Variants in PLCZ1 observed in about 807,000 individuals in gnomAD.
PLCZ1 encodes the protein 1-phosphatidylinositol 4,5-bisphosphate phosphodiesterase zeta-1.
PLCZ1 carries 64 observed loss-of-function variants against 76.8 expected under a neutral mutation model. The observed-to-expected ratio is 0.83, with a 90% CI of 0.68 to 1.03. The LOEUF (loss-of-function observed/expected upper bound fraction) is 1.03, where lower values mean the gene tolerates loss of function less well. Among genes scored for constraint, PLCZ1 ranks in the 50% least tolerant of loss-of-function variants. The pLI is 0.00. For synonymous variants in PLCZ1, 248 were observed against 230.8 expected, an observed-to-expected ratio of 1.07 and a Z score of -0.68; for missense variants, 751 against 713.7, an observed-to-expected ratio of 1.05 and a Z score of -0.60.
intron 6 of PLCZ1, 149 bp from the exon 7 acceptor site, chr12:18,705,464 G>T: frequency 1.1e-6 from 1 of 933,468 alleles, no homozygotes; most frequent in South Asian, 1.6e-5. Context: ...AAGTACTTTT[G>T]AGTTTGGCAA....
At chr12:18,705,448 A>C (rs192776449) in intron 6 of PLCZ1, 133 bp from the exon 7 acceptor site, 1 of 1,079,554 alleles carries the variant, frequency 9.3e-7, no homozygotes, top group East Asian at 2.5e-5. Flanking sequence ...CTATTCTTTA[A>C]ACTGAAAGTA....
Position 18,683,437 on chromosome 12 carries a change from T to A in PLCZ1, c.1742-113A>T, listed in dbSNP as rs146016426. On this transcript the variant is annotated intron_variant, in intron 14 of 14. Coordinates refer to ENST00000266505, the MANE Select transcript of PLCZ1 (RefSeq NM_033123.4). Reference sequence around the variant, plus strand: ...CTAAGCCTACATTAAAAACCATGACTATAGAGTTATATTCCCATCTGGTAT... The same window carrying A: ...CTAAGCCTACATTAAAAACCATGACAATAGAGTTATATTCCCATCTGGTAT... The A allele has an allele frequency of 2.5e-4, 352 of 1,432,468 alleles. 2 individuals carry two copies. The African/African-American group carries it at 4.2e-3, about 17-fold the overall frequency. 88.7% of individuals were successfully genotyped at this position (1,432,468 alleles called of 1,614,324 possible).
the PLCZ1 span, among the ~76,000 whole-genome samples, chr12:18,659,010 T>C: frequency 6.6e-6 from 1 of 152,224 alleles, no homozygotes; most frequent in African/African-American, 2.4e-5. Flanking sequence ...ACTCAGTGCT[T>C]TTTGGAGCAT....
chr12:18,647,966 C>G, the PLCZ1 span: 1 of 1,602,006 alleles, frequency 6.2e-7, no homozygotes, highest in Middle Eastern at 1.7e-4. Flanking sequence ...AATTAACATC[C>G]GACTCTGTAG....
At chr12:18,689,988 C>A (rs778327785) in intron 12 of PLCZ1, among the ~76,000 whole-genome samples, 27 of 152,144 alleles carry the variant, frequency 1.8e-4, no homozygotes, top group Non-Finnish European at 1.9e-4. Context: ...CTCTCCATGC[C>A]AGTTACACCT....
chr12:18,684,217 T>C lies in PLCZ1; in HGVS notation c.1654A>G (p.Ile552Val), dbSNP rs760846175. Residue 552 changes from isoleucine (I) to valine (V), a missense_variant, in exon 14 of 15, where the codon ATA becomes GTA. By Grantham distance (29) the Ile-to-Val change is conservative. Transcript: ENST00000266505. The stretch of plus-strand genomic sequence containing the variant: ...CCTTGACCTTCAACAACAAAACGTA[T>C]CAATGCCAATTCTGGGACATGAATA... ...FIIHVPELAL[I>V]RFVVEGQGLI... 3 of 1,611,750 alleles carry C rather than the reference T, an allele frequency of 1.9e-6. No homozygotes were observed. Among genetic ancestry groups the C allele is most frequent in the East Asian group, 4.5e-5 (2 of 44,764 alleles).
chr12:18,649,069 A>G, the PLCZ1 span, among the ~76,000 whole-genome samples: 2 of 152,114 alleles, frequency 1.3e-5, no homozygotes, highest in African/African-American at 4.8e-5. Flanking sequence ...ATACGTGATC[A>G]TGCAAGTCAA....
At chr12:18,733,589 A>G (rs574082470) in intron 3 of PLCZ1, among the ~76,000 whole-genome samples, 13 of 152,222 alleles carry the variant, frequency 8.5e-5, no homozygotes, top group South Asian at 4.1e-4. Context: ...TATGAGTTTC[A>G]TAGTTTCAGG....
downstream of PLCZ1, among the ~76,000 whole-genome samples, chr12:18,681,052 T>G (rs981244005): frequency 6.6e-6 from 1 of 152,064 alleles, no homozygotes; most frequent in Admixed American, 6.6e-5. Flanking sequence ...GATTCCGGAA[T>G]GTTCTTGTCT....
At position 18,699,807 on chromosome 12, in the gene PLCZ1, A is replaced by C; in HGVS notation, c.1161T>G (p.Leu387=). The change falls in exon 10 of 15, where the codon CTT becomes CTG. Residue 387 remains leucine (L), a synonymous_variant. Coordinates refer to ENST00000266505, the MANE Select transcript of PLCZ1 (RefSeq NM_033123.4). ...NSIGETQARK[L]SKLRVHEFIF... is the part of the protein sequence containing the mutation. ...ACAAAAATTTACCTCGCAATTTTGA[A>C]AGTTTTCGGGCTTGTGTCTCCCCAA... The C allele has an allele frequency of 6.2e-7, 1 of 1,613,478 alleles. No individual in the cohort carries two copies. The highest frequency in any genetic ancestry group is 8.5e-7 in the Non-Finnish European group (1 of 1,179,646).
At chr12:18,650,400 CA>C in the PLCZ1 span, among the ~76,000 whole-genome samples, 44 of 124,494 alleles carry the variant, frequency 3.5e-4, no homozygotes, top group East Asian at 2.0e-3. Flanking sequence ...TATACACACA[CA>C]TTTTTTTTTT....
chr12:18,654,166 T>C, the PLCZ1 span, among the ~76,000 whole-genome samples: 1 of 151,942 alleles, frequency 6.6e-6, no homozygotes, highest in Non-Finnish European at 1.5e-5. Context: ...AATGAAATGC[T>C]AGTAGCTGGA....
downstream of PLCZ1, among the ~76,000 whole-genome samples, chr12:18,678,935 T>C (rs954602669): frequency 6.6e-6 from 1 of 152,088 alleles, no homozygotes; most frequent in Non-Finnish European, 1.5e-5. Context: ...TCACAGTGAT[T>C]GTCCCACTTT....
chr12:18,677,936 G>T, the PLCZ1 span, among the ~76,000 whole-genome samples: 10 of 152,208 alleles, frequency 6.6e-5, no homozygotes, highest in Non-Finnish European at 1.3e-4. Flanking sequence ...TATGTGGTGT[G>T]TTTGTGTGTG....
At chr12:18,674,460 A>G in the PLCZ1 span, among the ~76,000 whole-genome samples, 1 of 152,128 alleles carries the variant, frequency 6.6e-6, no homozygotes, top group Non-Finnish European at 1.5e-5. Flanking sequence ...GGCACGTGAT[A>G]TTTTCTCACT....
chr12:18,723,989 G>C (rs1300849973), intron 3 of PLCZ1, among the ~76,000 whole-genome samples: 1 of 152,110 alleles, frequency 6.6e-6, no homozygotes, highest in African/African-American at 2.4e-5. Flanking sequence ...AGGAAGTGGA[G>C]TCTGAGTAAT....
chr12:18,649,789 C>G, the PLCZ1 span, among the ~76,000 whole-genome samples: 3 of 152,244 alleles, frequency 2.0e-5, no homozygotes, highest in African/African-American at 7.2e-5. Context: ...ACTCTATCTT[C>G]CTGGATATAT....
the PLCZ1 span, among the ~76,000 whole-genome samples, chr12:18,655,337 G>A: frequency 6.6e-6 from 1 of 152,160 alleles, no homozygotes; most frequent in Non-Finnish European, 1.5e-5. Context: ...GCTGGGACAA[G>A]TTGGGTAAGT....
At chr12:18,691,592 TC>T (rs1954095650) in intron 12 of PLCZ1, among the ~76,000 whole-genome samples, 2 of 152,078 alleles carry the variant, frequency 1.3e-5, no homozygotes, top group South Asian at 4.1e-4. Context: ...GAGAGTCCAG[TC>T]CCAGAGCATA....
Sources: allele counts gnomAD v4.1 joint callset (sites outside exome capture counted in the v4.1 genomes callset), GRCh38; gene constraint gnomAD v4.1.1; transcripts MANE v1.5; gene names NCBI Gene and HGNC (gene_info 2026-07-23, HGNC 2026-07-21).